DPYD: variants seen among roughly 807,000 people sequenced by gnomAD.
DPYD encodes the protein dihydropyrimidine dehydrogenase.
In DPYD, 109 loss-of-function variants were observed where a neutral mutation model predicts 116.2. That is an observed-to-expected ratio of 0.94 (90% confidence interval 0.80 to 1.10). The LOEUF is 1.10. DPYD is among the 50% of genes least tolerant of loss of function. The pLI, the probability that DPYD is intolerant of heterozygous loss-of-function variation, is 0.00. For synonymous variants in DPYD, 440 were observed against 432.0 expected (o/e 1.02, Z -0.23); for missense variants, 1,302 against 1,254.5 (o/e 1.04, Z -0.57).
intron 11 of DPYD, among the ~76,000 whole-genome samples, chr1:97,553,120 G>T (rs1253358163): frequency 6.6e-6 from 1 of 151,706 alleles, no homozygotes. Flanking sequence ...ATATCAAATG[G>T]TTAGGATCAT....
At chr1:97,482,106 A>C (rs2101883150) in intron 13 of DPYD, among the ~76,000 whole-genome samples, 1 of 152,326 alleles carries the variant, frequency 6.6e-6, no homozygotes, top group Admixed American at 6.5e-5. Flanking sequence ...ACTTGACAAC[A>C]ATTGAACAAG....
chr1:97,174,085 A>G (rs1657080650), intron 20 of DPYD, among the ~76,000 whole-genome samples: 1 of 152,044 alleles, frequency 6.6e-6, no homozygotes, highest in African/African-American at 2.4e-5. Flanking sequence ...CTAGAAATGT[A>G]TTTGATTTAA....
chr1:97,263,896 C>A (rs1255079335), intron 18 of DPYD, among the ~76,000 whole-genome samples: 1 of 152,038 alleles, frequency 6.6e-6, no homozygotes. Flanking sequence ...ACACATACTT[C>A]AGATAATTGA....
chr1:97,320,033 T>C (rs61787970), intron 16 of DPYD, among the ~76,000 whole-genome samples: 55,989 of 116,928 alleles, frequency 0.48, 11,403 homozygotes, highest in Middle Eastern at 0.61. Flanking sequence ...AATTCAACAA[T>C]GCTTCATGCT....
chr1:97,418,077 TAAC>T (rs1339164040), intron 14 of DPYD, among the ~76,000 whole-genome samples: 2 of 152,220 alleles, frequency 1.3e-5, no homozygotes, highest in Non-Finnish European at 2.9e-5. Flanking sequence ...GTAAATAAGT[TAAC>T]AAATTTTCAT....
At position 97,441,027 on chromosome 1, in the gene DPYD, G is replaced by C. The variant is rs992683832; in HGVS notation, c.1905+9032C>G. Among the ~76,000 whole-genome samples the C allele has an allele frequency of 3.9e-5, 6 of 152,170 alleles. No homozygotes were observed. In the South Asian group the frequency reaches 1.2e-3, roughly 32 times the overall value. ...GCCCCTCTGTCTCATAGCTTAGATTGTTTCTGACAATTAATCACACTAGTA... is the reference window on the plus strand; with the variant it reads ...GCCCCTCTGTCTCATAGCTTAGATTCTTTCTGACAATTAATCACACTAGTA... On this transcript the variant is annotated intron_variant, in intron 14 of 22. Coordinates refer to ENST00000370192, the MANE Select transcript of DPYD (RefSeq NM_000110.4).
At chr1:97,404,070 T>C (rs2101644638) in intron 14 of DPYD, among the ~76,000 whole-genome samples, 1 of 152,186 alleles carries the variant, frequency 6.6e-6, no homozygotes, top group East Asian at 1.9e-4. Context: ...TAGAGGTGTG[T>C]TGTTTAATCT....
chr1:97,915,705 G>A (rs992688806), intron 1 of DPYD, among the ~76,000 whole-genome samples: 2 of 152,070 alleles, frequency 1.3e-5, no homozygotes, highest in African/African-American at 4.8e-5. Context: ...TAATTAAGGT[G>A]GAATATAAAC....
At chr1:97,483,666 A>G (rs925951983) in intron 13 of DPYD, among the ~76,000 whole-genome samples, 1 of 152,184 alleles carries the variant, frequency 6.6e-6, no homozygotes. Context: ...ATTTAAAAAA[A>G]GAGATGTGGC....
intron 16 of DPYD, among the ~76,000 whole-genome samples, chr1:97,348,162 C>T (rs540835374): frequency 1.3e-5 from 2 of 152,016 alleles, no homozygotes; most frequent in South Asian, 2.1e-4. Flanking sequence ...ATTAAATGCC[C>T]GATTAACAAA....
rs558384512 is a variant in DPYD, at chr1:97,686,150, G to A, written c.762+5567C>T. Among the ~76,000 whole-genome samples, 69 of 152,184 alleles carry A rather than the reference G, an allele frequency of 4.5e-4. 1 individual carries two copies. The highest frequency in any genetic ancestry group is 1.4e-3 in the African/African-American group (57 of 41,508). On this transcript the variant is annotated intron_variant, in intron 7 of 22. Coordinates refer to ENST00000370192, the MANE Select transcript of DPYD (RefSeq NM_000110.4). ...AATAAACACATAGACCAATGGAACAGAACAGAGATCTCAGAAATAAGACCA... is the reference window on the plus strand; with the variant it reads ...AATAAACACATAGACCAATGGAACAAAACAGAGATCTCAGAAATAAGACCA...
chr1:97,529,113 T>C (rs1035878146), intron 12 of DPYD, among the ~76,000 whole-genome samples: 4 of 152,162 alleles, frequency 2.6e-5, no homozygotes, highest in African/African-American at 9.7e-5. Flanking sequence ...GATGTATTCT[T>C]TTTCCATACT....
At chr1:97,890,675 A>G (rs1036993784) in intron 1 of DPYD, among the ~76,000 whole-genome samples, 1 of 151,982 alleles carries the variant, frequency 6.6e-6, no homozygotes, top group African/African-American at 2.4e-5. Context: ...CTCATCCATT[A>G]ATTCAAATTG....
chr1:97,358,198 G>A (rs1245154574), intron 16 of DPYD, among the ~76,000 whole-genome samples: 1 of 152,204 alleles, frequency 6.6e-6, no homozygotes, highest in Non-Finnish European at 1.5e-5. Context: ...CTTGCTTATG[G>A]CTAGCGCAGC....
In DPYD at chr1:97,082,384, T is replaced by C; in HGVS notation, c.2853A>G (p.Glu951=). The C allele has an allele frequency of 6.2e-7, 1 of 1,613,680 alleles. No homozygotes were observed. The change falls in exon 22 of 23, where the codon GAA becomes GAG. Residue 951 remains glutamate, a synonymous_variant. Coordinates refer to ENST00000370192, the MANE Select transcript of DPYD (RefSeq NM_000110.4). ...AGCATTTACCACAGTTGATACACAT[T>C]TCTTCATCAATCATAGCCACAACTT... ...VEQVVAMIDE[E]MCINCGKCYM...
At chr1:97,191,756 C>A (rs1658388901) in intron 20 of DPYD, among the ~76,000 whole-genome samples, 1 of 152,072 alleles carries the variant, frequency 6.6e-6, no homozygotes, top group Admixed American at 6.6e-5. Context: ...ATGTCAGAGA[C>A]AATTTCCTTG....
chr1:97,480,235 T>C (rs1021432489), intron 13 of DPYD, among the ~76,000 whole-genome samples: 11 of 152,116 alleles, frequency 7.2e-5, no homozygotes, highest in African/African-American at 2.6e-4. Context: ...AAATAAAATA[T>C]CAAACTGAGA....
chr1:97,583,328 T>C (rs1263385360), intron 10 of DPYD, among the ~76,000 whole-genome samples: 3 of 152,162 alleles, frequency 2.0e-5, no homozygotes, highest in Non-Finnish European at 4.4e-5. Flanking sequence ...TTTTTTATTA[T>C]TATTATACTT....
intron 14 of DPYD, among the ~76,000 whole-genome samples, chr1:97,396,656 A>C (rs969990279): frequency 6.6e-6 from 1 of 152,032 alleles, no homozygotes; most frequent in East Asian, 1.9e-4. Context: ...GCCCTTTATA[A>C]TCTGGCTCCA....
Sources: gnomAD v4.1 joint callset for allele counts (sites outside exome capture counted in the v4.1 genomes callset) on GRCh38, gnomAD v4.1.1 for gene constraint, MANE v1.5 for transcripts, NCBI Gene and HGNC (gene_info 2026-07-23, HGNC 2026-07-21) for gene names.